CAST: variants seen among roughly 807,000 people sequenced by gnomAD.
The protein encoded by CAST is calpastatin, also known as MIR583 host.
In CAST, 76 loss-of-function variants were observed where a neutral mutation model predicts 119.6. The observed-to-expected ratio is 0.64, with a 90% confidence interval of 0.53 to 0.77. The LOEUF is 0.77. Ranked by LOEUF, CAST falls within the 30% of genes least tolerant of loss-of-function variation. The pLI, the probability that CAST is intolerant of heterozygous loss-of-function variation, is 0.00. For missense variants in CAST, 953 were observed against 946.5 expected (o/e 1.01, Z -0.09); for synonymous variants, 319 against 331.6 (o/e 0.96, Z 0.41).
At chr5:96,271,398 C>G in the CAST span, among the ~76,000 whole-genome samples, 1 of 152,078 alleles carries the variant, frequency 6.6e-6, no homozygotes, top group Non-Finnish European at 1.5e-5. Context: ...AGCATACAAA[C>G]AGACACATAG....
At chr5:96,062,702 C>T in the CAST span, among the ~76,000 whole-genome samples, 1 of 152,158 alleles carries the variant, frequency 6.6e-6, no homozygotes, top group Non-Finnish European at 1.5e-5. Context: ...AGTAAGGCTG[C>T]TGCTACCCAA....
At chr5:96,416,197 G>A in the CAST span, 4,946 of 978,950 alleles carry the variant, frequency 5.1e-3, 160 homozygotes, top group African/African-American at 0.07. Context: ...GAATTAATGG[G>A]GCATAGGTAT....
the CAST span, among the ~76,000 whole-genome samples, chr5:96,374,415 T>C: frequency 2.6e-5 from 4 of 152,110 alleles, no homozygotes; most frequent in Non-Finnish European, 5.9e-5. Flanking sequence ...ACTTTTGACA[T>C]AGAGGAGGTG....
chr5:96,561,419 C>T (rs1026400931), intron 1 of CAST, among the ~76,000 whole-genome samples: 5 of 151,636 alleles, frequency 3.3e-5, no homozygotes, highest in Non-Finnish European at 2.9e-5. Context: ...TTTGCAGGGA[C>T]ATGGATGAAG....
chr5:96,548,336 A>G (rs947085210), intron 1 of CAST, among the ~76,000 whole-genome samples: 3 of 152,194 alleles, frequency 2.0e-5, no homozygotes, highest in Non-Finnish European at 4.4e-5. Context: ...TGGTAACTCA[A>G]GTCAGGTTTT....
intron 1 of CAST, among the ~76,000 whole-genome samples, chr5:96,599,575 A>G (rs1580840584): frequency 6.6e-6 from 1 of 152,214 alleles, no homozygotes; most frequent in African/African-American, 2.4e-5. Context: ...TCTTCAGGCC[A>G]TCATGAATGC....
chr5:96,518,148 T>C, the CAST span, among the ~76,000 whole-genome samples: 2 of 152,120 alleles, frequency 1.3e-5, 1 homozygote, highest in African/African-American at 4.8e-5. Context: ...TACATCTAAA[T>C]TTGGGAGAAA....
chr5:96,605,648 T>C (rs17086361), intron 1 of CAST, among the ~76,000 whole-genome samples: 1,935 of 152,316 alleles, frequency 0.013, 44 homozygotes, highest in African/African-American at 0.044. Flanking sequence ...CTCTGAGGCA[T>C]ATAGCTGAAT....
chr5:95,964,502 A>G, the CAST span, among the ~76,000 whole-genome samples: 1 of 152,228 alleles, frequency 6.6e-6, no homozygotes, highest in Non-Finnish European at 1.5e-5. Flanking sequence ...AAATTAGTAA[A>G]TGCTAATTTG....
chr5:96,319,023 A>T, the CAST span: 1 of 152,256 alleles, frequency 6.6e-6, no homozygotes, highest in African/African-American at 2.4e-5. Flanking sequence ...TATTTGGCTC[A>T]TGGTTCTGCA....
At chr5:96,734,610 T>C (rs533904944) in intron 9 of CAST, among the ~76,000 whole-genome samples, 2 of 152,116 alleles carry the variant, frequency 1.3e-5, no homozygotes, top group South Asian at 4.1e-4. Context: ...TTGCAGGAGG[T>C]TGGTAGCCAC....
the CAST span, among the ~76,000 whole-genome samples, chr5:96,508,740 C>T: frequency 6.6e-6 from 1 of 152,098 alleles, no homozygotes; most frequent in Non-Finnish European, 1.5e-5. Context: ...CCCTTCCATC[C>T]CTCCTGAGAA....
chr5:95,978,955 T>G, the CAST span, among the ~76,000 whole-genome samples: 1 of 152,146 alleles, frequency 6.6e-6, no homozygotes, highest in Admixed American at 6.5e-5. Context: ...TTAACACTCC[T>G]TAAATGTGGG....
chr5:96,196,145 G>T, the CAST span, among the ~76,000 whole-genome samples: 183 of 152,146 alleles, frequency 1.2e-3, no homozygotes, highest in Middle Eastern at 6.8e-3. Flanking sequence ...TTAATGGAAG[G>T]CTGGGATCTG....
At chr5:96,617,603 C>G (rs554552043) in intron 1 of CAST, among the ~76,000 whole-genome samples, 5 of 151,578 alleles carry the variant, frequency 3.3e-5, no homozygotes, top group South Asian at 4.2e-4. Context: ...TCCTGGCTAA[C>G]ACAGTGAAAC....
the CAST span, among the ~76,000 whole-genome samples, chr5:96,156,261 G>C: frequency 1.5e-4 from 23 of 152,276 alleles, no homozygotes; most frequent in Admixed American, 7.2e-4. Context: ...TTAGTCCTAA[G>C]AGCCTATACC....
chr5:96,454,742 T>C, the CAST span, among the ~76,000 whole-genome samples: 1 of 152,372 alleles, frequency 6.6e-6, no homozygotes, highest in South Asian at 2.1e-4. Flanking sequence ...GGAATGATTT[T>C]AGGCGGCTCA....
At chr5:96,161,729 T>A in the CAST span, among the ~76,000 whole-genome samples, 1 of 152,200 alleles carries the variant, frequency 6.6e-6, no homozygotes, top group Non-Finnish European at 1.5e-5. Flanking sequence ...CTAATAATAT[T>A]AAGTTTTCTG....
At chr5:96,354,774 T>G in the CAST span, among the ~76,000 whole-genome samples, 2 of 150,246 alleles carry the variant, frequency 1.3e-5, no homozygotes, top group East Asian at 1.9e-4. Context: ...TATATATTTC[T>G]TTGTTCTGGA....
Sources: gnomAD v4.1 joint callset for allele counts (sites outside exome capture counted in the v4.1 genomes callset) on GRCh38, gnomAD v4.1.1 for gene constraint, MANE v1.5 for transcripts, NCBI Gene and HGNC (gene_info 2026-07-23, HGNC 2026-07-21) for gene names.